ZNF850: variants seen among roughly 807,000 people sequenced by gnomAD.
The protein encoded by ZNF850 is zinc finger protein 850.
ZNF850 carries 2 observed loss-of-function variants against 11.9 expected under a neutral mutation model. The observed-to-expected ratio is 0.17, with a 90% confidence interval of 0.07 to 0.53. The LOEUF (loss-of-function observed/expected upper bound fraction) is 0.53. Ranked by LOEUF, ZNF850 falls within the 20% of genes least tolerant of loss-of-function variation. The pLI is 0.94. For missense variants in ZNF850, 1,014 were observed against 1,316.4 expected (o/e 0.77, Z 3.55); for synonymous variants, 381 against 443.0 (o/e 0.86, Z 1.76).
At chr19:36,763,272 G>A (rs935120267) in intron 1 of ZNF850, among the ~76,000 whole-genome samples, 4 of 152,136 alleles carry the variant, frequency 2.6e-5, no homozygotes, top group Non-Finnish European at 5.9e-5. Context: ...TGGGCGCGGT[G>A]GCTCACACCT....
rs1343261691 is a variant in ZNF850, at chr19:36,746,068, C to T, written c.*1699G>A. 2 of 152,178 alleles carry T rather than the reference C, an allele frequency of 1.3e-5. No individual in the cohort carries two copies. The highest frequency in any genetic ancestry group is 4.8e-5 in the African/African-American group (2 of 41,434). The allele number at this position is 152,178 out of a possible 1,614,324, so 9.4% of individuals were successfully genotyped here. On this transcript the variant is annotated 3_prime_UTR_variant, in exon 5 of 5. Transcript: ENST00000591344. ...TGACTTATCTGTCTAGGAATGCAGT[C>T]CAGTAGGTTTCAGTGTTACTTTACA...
chr19:36,749,516 T>A lies in ZNF850; in HGVS notation c.1524A>T (p.Lys508Asn). ...CAGAAGCAAAAGATTTTCCACATTC[T>A]TTACAATTATAGGGTTTCTCACCAG... ...IHTGEKPYNCKECGKSFASGS... is the reference protein window; with the variant it reads ...IHTGEKPYNCNECGKSFASGS... The change falls in exon 5 of 5, where the codon AAA becomes AAT. Residue 508 changes from lysine to asparagine, a missense_variant. Coordinates refer to ENST00000591344, the MANE Select transcript of ZNF850 (RefSeq NM_001193552.2). The A allele has an allele frequency of 6.5e-7, 1 of 1,540,130 alleles. No homozygotes were observed.
chr19:36,758,290 A>AT (rs1248988637), intron 4 of ZNF850, among the ~76,000 whole-genome samples: 1 of 152,198 alleles, frequency 6.6e-6, no homozygotes, highest in Non-Finnish European at 1.5e-5. Context: ...AAATTCAGTA[A>AT]CAAAAACAAC....
rs377028963 is a variant in ZNF850 at position 36,762,289 on chromosome 19, G to A, written c.139+16C>T. The A allele has an allele frequency of 8.8e-5, 133 of 1,507,896 alleles. No homozygotes were observed. The East Asian group carries it at 1.3e-3, about 14-fold the overall frequency. 93.4% of individuals were successfully genotyped at this position (1,507,896 alleles called of 1,614,324 possible). Reference sequence around the variant, plus strand: ...CACCCAAAATTCATGAGTTATTTGCGGATAGACATCCTTACCTAGTGAGAC... The same window carrying A: ...CACCCAAAATTCATGAGTTATTTGCAGATAGACATCCTTACCTAGTGAGAC... On this transcript the variant is annotated intron_variant, in intron 3 of 4. Coordinates refer to ENST00000591344, the MANE Select transcript of ZNF850 (RefSeq NM_001193552.2).
chr19:36,753,814 G>C (rs1230985345), intron 4 of ZNF850, among the ~76,000 whole-genome samples: 1 of 152,142 alleles, frequency 6.6e-6, no homozygotes, highest in Non-Finnish European at 1.5e-5. Flanking sequence ...AAAAGTCATA[G>C]AGGTATTAAA....
Position 36,747,517 on chromosome 19 carries a change from T to C in ZNF850, c.*250A>G, listed in dbSNP as rs2145953114. On this transcript the variant is annotated 3_prime_UTR_variant, in exon 5 of 5. Coordinates refer to ENST00000591344, the MANE Select transcript of ZNF850 (RefSeq NM_001193552.2). ...CAGGCGTGGTGGCAGGTACCTGTAG[T>C]CCCAGCTACTAGGGAGGCTGAGGCA... The C allele has an allele frequency of 3.0e-6, 1 of 336,352 alleles. No homozygotes were observed. Among genetic ancestry groups the C allele is most frequent in the East Asian group, 4.8e-5 (1 of 20,644 alleles). The allele number at this position is 336,352 out of a possible 1,614,324, so 20.8% of individuals were successfully genotyped here.
At position 36,746,761 on chromosome 19, in the gene ZNF850, T is replaced by C. The variant is rs979249323; in HGVS notation, c.*1006A>G. 2 of 152,228 alleles carry C rather than the reference T, an allele frequency of 1.3e-5. No homozygotes were observed. Among genetic ancestry groups the C allele is most frequent in the African/African-American group, 4.8e-5 (2 of 41,466 alleles). 9.4% of individuals were successfully genotyped at this position (152,228 alleles called of 1,614,324 possible). The stretch of plus-strand genomic sequence containing the variant: ...ACTTTCTTAGCCACCTTTGCAGTTA[T>C]GGGCTAAAGTAGACAGGGAAATAGA... On this transcript the variant is annotated 3_prime_UTR_variant, in exon 5 of 5. Transcript: ENST00000591344.
At position 36,747,770 on chromosome 19, in the gene ZNF850, T is replaced by A. The variant is rs749370738; in HGVS notation, c.3270A>T (p.Thr1090=). 5 of 1,505,176 alleles carry A rather than the reference T, an allele frequency of 3.3e-6. No homozygotes were observed. In the South Asian group the frequency reaches 6.3e-5, roughly 19 times the overall value. 93.2% of individuals were successfully genotyped at this position (1,505,176 alleles called of 1,614,324 possible). Residue 1090 remains threonine, a synonymous_variant, in exon 5 of 5, where the codon ACA becomes ACT. Coordinates refer to ENST00000591344, the MANE Select transcript of ZNF850 (RefSeq NM_001193552.2). ...LTRHQRIHDL[T] is the part of the protein sequence containing the mutation. ...TGAGAACAGTTTCCTACATTAATTATGTTAGGTCATGAATTCTCTGATGTC... is the reference window on the plus strand; with the variant it reads ...TGAGAACAGTTTCCTACATTAATTAAGTTAGGTCATGAATTCTCTGATGTC...
intron 1 of ZNF850, among the ~76,000 whole-genome samples, chr19:36,764,028 C>T (rs1294746826): frequency 6.6e-6 from 1 of 151,966 alleles, no homozygotes; most frequent in Non-Finnish European, 1.5e-5. Flanking sequence ...GGGCGGATCA[C>T]GAGGTCAAGA....
At chr19:36,752,470 A>C (rs2040459593) in intron 4 of ZNF850, among the ~76,000 whole-genome samples, 1 of 152,198 alleles carries the variant, frequency 6.6e-6, no homozygotes, top group African/African-American at 2.4e-5. Context: ...AATCATTGTA[A>C]TGTAATTACA....
chr19:36,761,772 A>G, intron 3 of ZNF850, 34 bp from the exon 4 acceptor site: 2 of 1,297,914 alleles, frequency 1.5e-6, no homozygotes, highest in Non-Finnish European at 2.1e-6. Context: ...ATAGCCAGGC[A>G]TGGTGGCTCA....
rs776424275 is a variant in ZNF850 at position 36,762,375 on chromosome 19, G to A, written c.69C>T (p.Cys23=). 3.8e-6 allele frequency: 6 copies of A among 1,586,514 alleles called. No homozygotes were observed. Among genetic ancestry groups the A allele is most frequent in the Non-Finnish European group, 5.1e-6 (6 of 1,172,572 alleles). The stretch of plus-strand genomic sequence containing the variant: ...ATAAGTCCTTCTGAGCAGCGTCCAG[G>A]CACTCCCATTCCTCCTGAGAGAAGT... ...SIDFSQEEWE[C]LDAAQKDLYR... is the part of the protein sequence containing the mutation. Residue 23 remains cysteine (C), a synonymous_variant, in exon 3 of 5, where the codon TGC becomes TGT. Coordinates refer to ENST00000591344, the MANE Select transcript of ZNF850 (RefSeq NM_001193552.2).
chr19:36,766,412 T>C (rs1235981341), intron 1 of ZNF850, among the ~76,000 whole-genome samples: 1 of 152,202 alleles, frequency 6.6e-6, no homozygotes, highest in African/African-American at 2.4e-5. Flanking sequence ...CCCAGTCTGT[T>C]TTCCATACAC....
At chr19:36,762,772 G>C (rs535001531) in intron 1 of ZNF850, 97 bp from the exon 2 acceptor site, 1 of 667,656 alleles carries the variant, frequency 1.5e-6, no homozygotes, top group Admixed American at 2.9e-5. Context: ...AAAGCTGAAA[G>C]AATATTACAG....
chr19:36,750,880 G>T (rs922079293), intron 4 of ZNF850, 76 bp from the exon 5 acceptor site: 4 of 1,351,236 alleles, frequency 3.0e-6, no homozygotes, highest in Non-Finnish European at 2.9e-6. Context: ...GTAGAAAGGG[G>T]AGACAAACTG....
rs1464691600 is a variant in ZNF850 at position 36,750,145 on chromosome 19, G to A, written c.895C>T (p.His299Tyr). 5 of 1,538,788 alleles carry A rather than the reference G, an allele frequency of 3.2e-6. No homozygotes were observed. The highest frequency in any genetic ancestry group is 4.4e-6 in the Non-Finnish European group (5 of 1,146,962). The change falls in exon 5 of 5, where the codon CAT (histidine) becomes TAT (tyrosine). Residue 299 changes from histidine to tyrosine, a missense_variant. His to Tyr is a moderately conservative substitution (Grantham distance 83). Coordinates refer to ENST00000591344, the MANE Select transcript of ZNF850 (RefSeq NM_001193552.2). ...TTCTCACCAGTGTGAATTTGCTGAT[G>A]TTGATTTAGTGTTGAGCCAGAAGTA... ...SFTSGSTLNQ[H>Y]QQIHTGEKPY... is the part of the protein sequence containing the mutation.
intron 4 of ZNF850, among the ~76,000 whole-genome samples, chr19:36,753,009 C>A (rs892673556): frequency 6.6e-6 from 1 of 152,036 alleles, no homozygotes; most frequent in Non-Finnish European, 1.5e-5. Flanking sequence ...GTGGCACACG[C>A]CTGTAATCTC....
At chr19:36,760,631 G>A (rs1271473584) in intron 4 of ZNF850, among the ~76,000 whole-genome samples, 4 of 151,864 alleles carry the variant, frequency 2.6e-5, no homozygotes, top group South Asian at 2.1e-4. Flanking sequence ...TTGGGAGACC[G>A]AGGCAGGTGG....
At chr19:36,763,987 C>G (rs2040534404) in intron 1 of ZNF850, among the ~76,000 whole-genome samples, 1 of 152,064 alleles carries the variant, frequency 6.6e-6, no homozygotes, top group Non-Finnish European at 1.5e-5. Flanking sequence ...TGGCTCATGC[C>G]TGTAATCCCA....
Sources: gnomAD v4.1 joint callset for allele counts (sites outside exome capture counted in the v4.1 genomes callset) on GRCh38, gnomAD v4.1.1 for gene constraint, MANE v1.5 for transcripts, NCBI Gene and HGNC (gene_info 2026-07-23, HGNC 2026-07-21) for gene names.